The following PHYKPL variants were observed in gnomAD, a reference collection of about 807,000 sequenced individuals.
PHYKPL encodes the protein 5-phosphohydroxy-L-lysine phospho-lyase, also known as 5-phosphonooxy-L-lysine phospho-lyase.
In PHYKPL, 42 loss-of-function variants were observed where a neutral mutation model predicts 51.3. The observed-to-expected ratio is 0.82, with a 90% CI of 0.64 to 1.06. The LOEUF is 1.06. Ranked by LOEUF, PHYKPL falls within the 50% of genes least tolerant of loss-of-function variation. The probability of loss-of-function intolerance (pLI) is 0.00; values close to 1 mark genes in which losing one functional copy is unlikely to be tolerated. For missense variants in PHYKPL, 655 were observed against 586.6 expected, an observed-to-expected ratio of 1.12 and a Z score of -1.20; for synonymous variants, 264 against 236.0, an observed-to-expected ratio of 1.12 and a Z score of -1.09.
At chr5:178,232,029 T>A in intron 1 of PHYKPL, 1 of 1,200,096 alleles carries the variant, frequency 8.3e-7, no homozygotes, top group East Asian at 5.7e-5. Flanking sequence ...CCCTCACAGG[T>A]CAAGTGTGCT....
rs917731411 is a variant in PHYKPL, at chr5:178,231,264, G to A, written c.178+141C>T. 42 of 1,394,006 alleles carry A rather than the reference G, an allele frequency of 3.0e-5. No individual in the cohort carries two copies. The East Asian group carries it at 8.5e-4, about 28-fold the overall frequency. 86.4% of individuals were successfully genotyped at this position (1,394,006 alleles called of 1,614,324 possible). On this transcript the variant is annotated intron_variant, in intron 2 of 12. Transcript: ENST00000308158. ...AGAATTCCACAGCTATATTGCGAAG[G>A]CTGAGCCTCCTCTGCATACTGACAG...
chr5:178,231,827 T>C, intron 1 of PHYKPL: 1 of 1,365,738 alleles, frequency 7.3e-7, no homozygotes, highest in Admixed American at 2.2e-5. Context: ...TGAGAAAAGG[T>C]GGCTGCCCCG....
chr5:178,215,168 C>G, intron 9 of PHYKPL, 108 bp downstream of exon 9: 2 of 1,545,840 alleles, frequency 1.3e-6, no homozygotes, highest in Non-Finnish European at 1.8e-6. Flanking sequence ...CTCAGTTCCT[C>G]TTGAGAGCGG....
intron 3 of PHYKPL, among the ~76,000 whole-genome samples, chr5:178,229,103 ATTTTTT>A (rs55725801): frequency 1.9e-4 from 22 of 118,288 alleles, no homozygotes; most frequent in Admixed American, 3.4e-4. Flanking sequence ...TGATGAGACT[ATTTTTT>A]TTTTTTTTTT....
intron 3 of PHYKPL, chr5:178,225,738 A>C: frequency 5.4e-6 from 2 of 369,356 alleles, no homozygotes; most frequent in South Asian, 6.1e-5. Context: ...CAATCAACAC[A>C]GAAGACTTCT....
chr5:178,229,848 A>G, intron 3 of PHYKPL, 92 bp downstream of exon 3: 1 of 1,503,388 alleles, frequency 6.7e-7, no homozygotes, highest in Non-Finnish European at 9.0e-7. Flanking sequence ...CCGAGTCCAC[A>G]CTCGGTCAGC....
chr5:178,231,501 GAA>G lies in PHYKPL; in HGVS notation c.80_81del (p.Phe27SerfsTer6), dbSNP rs530484554. ...RLISSSCRLFFPEDPVKIVRA... is the reference protein window; with the variant it reads ...RLISSSCRLFXPEDPVKIVRA... ...CGGACAATCTTAACAGGATCCTCGGGAAAAAAGAGTCTGCAGGAAGAGCTGTG... is the reference window on the plus strand; with the variant it reads ...CGGACAATCTTAACAGGATCCTCGGGAAAAGAGTCTGCAGGAAGAGCTGTG... On this transcript the variant is annotated frameshift_variant, in exon 2 of 13. Coordinates refer to ENST00000308158, the MANE Select transcript of PHYKPL (RefSeq NM_153373.4). LOFTEE classifies it high-confidence loss of function. The G allele has an allele frequency of 6.2e-6, 10 of 1,613,978 alleles. No individual in the cohort carries two copies. The East Asian group carries it at 1.3e-4, about 22-fold the overall frequency.
intron 9 of PHYKPL, 49 bp from the exon 10 acceptor site, chr5:178,214,934 G>A: frequency 6.3e-7 from 1 of 1,578,790 alleles, no homozygotes; most frequent in Non-Finnish European, 8.7e-7. Context: ...TGAGGGGCCA[G>A]GGTGCTGGCC....
chr5:178,214,787 AG>A lies in PHYKPL; in HGVS notation c.1172+8del. ...CTCCAGGAAGCAACTTGTTTCAAGA[AG>A]AAAATACCTTGATACCAAGTAGGCA... On this transcript the variant is annotated splice_region_variant and intron_variant, in intron 10 of 12. Coordinates refer to ENST00000308158, the MANE Select transcript of PHYKPL (RefSeq NM_153373.4). 6.2e-7 allele frequency: 1 copy of A among 1,613,686 alleles called. No individual in the cohort carries two copies. Among genetic ancestry groups the A allele is most frequent in the Non-Finnish European group, 8.5e-7 (1 of 1,179,788 alleles).
At position 178,211,445 on chromosome 5, in the gene PHYKPL, CCTT is replaced by C. The variant is rs556368219; in HGVS notation, c.*31+442_*31+444del. The stretch of plus-strand genomic sequence containing the variant: ...CTCCTGGGACACCTTGGAACACCAA[CCTT>C]CTTGGCTGATGAATGAAAAAATGGG... On this transcript the variant is annotated intron_variant, in intron 12 of 12. Coordinates refer to ENST00000308158, the MANE Select transcript of PHYKPL (RefSeq NM_153373.4). 199 of 160,880 alleles carry C rather than the reference CCTT, an allele frequency of 1.2e-3. 1 individual carries two copies. Among genetic ancestry groups the C allele is most frequent in the African/African-American group, 4.4e-3 (185 of 41,678 alleles). The allele number at this position is 160,880 out of a possible 1,614,324, so 10.0% of individuals were successfully genotyped here. A position where few individuals can be genotyped will look rare whatever the true frequency, so the allele number is the denominator to read the frequency against.
In PHYKPL at chr5:178,225,443, G is replaced by A; in HGVS notation, c.339-14C>T. On this transcript the variant is annotated splice_polypyrimidine_tract_variant and intron_variant, in intron 3 of 12. Coordinates refer to ENST00000308158, the MANE Select transcript of PHYKPL (RefSeq NM_153373.4). Reference sequence around the variant, plus strand: ...TTGGCTTCTGACCTATGACCGAAAAGGTGGGCATGACTGAGAGAGTAGTCT... The same window carrying A: ...TTGGCTTCTGACCTATGACCGAAAAAGTGGGCATGACTGAGAGAGTAGTCT... The A allele has an allele frequency of 6.2e-7, 1 of 1,614,130 alleles. No individual in the cohort carries two copies. Among genetic ancestry groups the A allele is most frequent in the Non-Finnish European group, 8.5e-7 (1 of 1,179,992 alleles).
In PHYKPL at chr5:178,231,475, C is replaced by T. The variant is rs748551153; in HGVS notation, c.108G>A (p.Arg36=). 8 of 1,614,110 alleles carry T rather than the reference C, an allele frequency of 5.0e-6. No individual in the cohort carries two copies. Among genetic ancestry groups the T allele is most frequent in the Non-Finnish European group, 5.9e-6 (7 of 1,180,028 alleles). The change falls in exon 2 of 13, where the codon CGG becomes CGA. Residue 36 remains arginine (R), a synonymous_variant. Transcript: ENST00000308158. ...CATCGTACATGTACTGCCCTTGGGCCCGGACAATCTTAACAGGATCCTCGG... is the reference window on the plus strand; with the variant it reads ...CATCGTACATGTACTGCCCTTGGGCTCGGACAATCTTAACAGGATCCTCGG... The part of the protein sequence containing the change: ...FFPEDPVKIV[R]AQGQYMYDEQ...
chr5:178,209,516 G>GAA, intron 12 of PHYKPL: 2 of 1,366,164 alleles, frequency 1.5e-6, no homozygotes, highest in Non-Finnish European at 2.1e-6. Context: ...GCCTGTCTTG[G>GAA]GGCTCCCTCT....
intron 8 of PHYKPL, among the ~76,000 whole-genome samples, chr5:178,219,586 A>G (rs958881368): frequency 6.6e-6 from 1 of 151,754 alleles, no homozygotes; most frequent in Non-Finnish European, 1.5e-5. Flanking sequence ...AGTAGCTGGG[A>G]CTACAGGTGC....
chr5:178,232,453 A>AGCCCCGCGCCCCCCGCCGCCC (rs1435375617), intron 1 of PHYKPL, 39 bp downstream of exon 1: 6 of 1,377,098 alleles, frequency 4.4e-6, no homozygotes, highest in Admixed American at 3.7e-5. Context: ...CTCTCCGCGC[A>AGCCCCGCGCCCCCCGCCGCCC]GCCCCGCGCC....
At chr5:178,207,990 TTTAAG>T (rs984201458), downstream of PHYKPL, among the ~76,000 whole-genome samples, 3 of 152,154 alleles carry the variant, frequency 2.0e-5, no homozygotes, top group Admixed American at 1.3e-4. Context: ...TGGGCACCTC[TTTAAG>T]TTAACCCTAA....
intron 3 of PHYKPL, among the ~76,000 whole-genome samples, chr5:178,229,102 T>A (rs2127490436): frequency 1.0e-5 from 1 of 99,262 alleles, no homozygotes; most frequent in African/African-American, 4.3e-5. Flanking sequence ...TTGATGAGAC[T>A]ATTTTTTTTT....
intron 3 of PHYKPL, among the ~76,000 whole-genome samples, chr5:178,229,318 G>C (rs1402585357): frequency 3.3e-5 from 5 of 152,090 alleles, no homozygotes; most frequent in East Asian, 1.9e-4. Context: ...CTGTTGGCCG[G>C]GCTGGTCTCA....
chr5:178,220,893 T>A (rs1008226240), intron 8 of PHYKPL, among the ~76,000 whole-genome samples: 1 of 151,606 alleles, frequency 6.6e-6, no homozygotes, highest in Admixed American at 6.6e-5. Flanking sequence ...GAAAAAAAAA[T>A]CCCCAGAGTA....
Sources: allele counts gnomAD v4.1 joint callset (sites outside exome capture counted in the v4.1 genomes callset), GRCh38; gene constraint gnomAD v4.1.1; transcripts MANE v1.5; gene names NCBI Gene and HGNC (gene_info 2026-07-23, HGNC 2026-07-21).